REEP3: variants seen among roughly 807,000 people sequenced by gnomAD.
The protein encoded by REEP3 is receptor expression-enhancing protein 3.
In REEP3, 20 loss-of-function variants were observed where a neutral mutation model predicts 41.3. The observed-to-expected ratio is 0.48, with a 90% CI of 0.34 to 0.70. The LOEUF (loss-of-function observed/expected upper bound fraction) is 0.70, where lower values mean the gene tolerates loss of function less well. Ranked by LOEUF, REEP3 falls within the 30% of genes least tolerant of loss-of-function variation. REEP3 has a pLI of 0.01. For synonymous variants in REEP3, 104 were observed against 101.8 expected (o/e 1.02, Z -0.13); for missense variants, 271 against 308.8 (o/e 0.88, Z 0.92).
chr10:63,534,436 G>A (rs936452424), intron 1 of REEP3, among the ~76,000 whole-genome samples: 13 of 152,048 alleles, frequency 8.5e-5, no homozygotes, highest in Non-Finnish European at 1.9e-4. Context: ...ATTTTGTAGA[G>A]ATAGGGCCTT....
chr10:63,580,665 G>C (rs1297872122), intron 2 of REEP3, among the ~76,000 whole-genome samples: 2 of 152,064 alleles, frequency 1.3e-5, no homozygotes, highest in East Asian at 3.8e-4. Context: ...CAAGAAAAGA[G>C]TTTAAGCAAG....
chr10:63,594,942 G>A, intron 3 of REEP3, 88 bp downstream of exon 3: 1 of 837,560 alleles, frequency 1.2e-6, no homozygotes, highest in Non-Finnish European at 2.0e-6. Flanking sequence ...TTAACTGAGT[G>A]ATTTTCATCA....
intron 1 of REEP3, among the ~76,000 whole-genome samples, chr10:63,527,514 A>T (rs1483445315): frequency 3.3e-5 from 5 of 151,954 alleles, no homozygotes; most frequent in Admixed American, 1.3e-4. Flanking sequence ...TCTACAAAAA[A>T]TACAAAAAAC....
chr10:63,543,271 A>C (rs532737181), intron 1 of REEP3, among the ~76,000 whole-genome samples: 109 of 152,248 alleles, frequency 7.2e-4, no homozygotes, highest in Non-Finnish European at 1.5e-3. Flanking sequence ...TGTTTTAATA[A>C]CATGGAAAAC....
At chr10:63,610,393 A>C in intron 6 of REEP3, 59 bp downstream of exon 6, 2 of 1,495,384 alleles carry the variant, frequency 1.3e-6, no homozygotes, top group Non-Finnish European at 1.8e-6. Context: ...GGGGAACAAC[A>C]TACACTGGGG....
At chr10:63,531,182 A>G (rs1955418164) in intron 1 of REEP3, among the ~76,000 whole-genome samples, 1 of 152,246 alleles carries the variant, frequency 6.6e-6, no homozygotes, top group Non-Finnish European at 1.5e-5. Flanking sequence ...CAGTGGTTAG[A>G]GATTATTTTA....
At chr10:63,574,055 C>G (rs913227599) in intron 2 of REEP3, among the ~76,000 whole-genome samples, 3 of 152,072 alleles carry the variant, frequency 2.0e-5, no homozygotes, top group Non-Finnish European at 4.4e-5. Flanking sequence ...CAGTAGTTCC[C>G]CAGGCTCCCA....
chr10:63,589,006 C>T (rs1170438801), intron 2 of REEP3, among the ~76,000 whole-genome samples: 1 of 152,224 alleles, frequency 6.6e-6, no homozygotes, highest in Admixed American at 6.5e-5. Flanking sequence ...ACAGGAGGTG[C>T]AGTAGCAGGT....
intron 5 of REEP3, among the ~76,000 whole-genome samples, chr10:63,608,268 G>C (rs891115962): frequency 3.9e-5 from 6 of 152,194 alleles, no homozygotes; most frequent in African/African-American, 1.2e-4. Flanking sequence ...TTTTTTAAAT[G>C]TGTGAAATCC....
Position 63,583,608 on chromosome 10 carries a change from A to G in REEP3, c.106-11170A>G, listed in dbSNP as rs150178494. Among the ~76,000 whole-genome samples the G allele has an allele frequency of 6.6e-5, 10 of 152,308 alleles. No homozygotes were observed. The East Asian group carries it at 1.7e-3, about 26-fold the overall frequency. ...TTAGATAAGGCCTAGGTGCCTAAGA[A>G]GTGGGACCAAGACCAAGAGAAAGAA... On this transcript the variant is annotated intron_variant, in intron 2 of 7. Transcript: ENST00000373758.
intron 2 of REEP3, among the ~76,000 whole-genome samples, chr10:63,575,972 A>T (rs1052500681): frequency 1.3e-5 from 2 of 152,288 alleles, no homozygotes; most frequent in African/African-American, 4.8e-5. Flanking sequence ...ACCTCAGGTG[A>T]TCCGCCTGCC....
chr10:63,590,594 A>C (rs949387588), intron 2 of REEP3, among the ~76,000 whole-genome samples: 5 of 152,068 alleles, frequency 3.3e-5, no homozygotes, highest in Non-Finnish European at 7.4e-5. Context: ...TATTCAGGCA[A>C]TTCCTATGTT....
At chr10:63,593,173 AG>A (rs1424877370) in intron 2 of REEP3, among the ~76,000 whole-genome samples, 1 of 152,244 alleles carries the variant, frequency 6.6e-6, no homozygotes, top group African/African-American at 2.4e-5. Flanking sequence ...CAATTGAAAA[AG>A]CTATTTGAGT....
At chr10:63,558,957 A>G (rs1424529755) in intron 1 of REEP3, among the ~76,000 whole-genome samples, 1 of 151,822 alleles carries the variant, frequency 6.6e-6, no homozygotes. Flanking sequence ...AGTCTCATTG[A>G]GTTGTTTTTA....
intron 2 of REEP3, among the ~76,000 whole-genome samples, chr10:63,569,438 T>C (rs1188938430): frequency 1.3e-5 from 2 of 151,490 alleles, no homozygotes; most frequent in African/African-American, 4.9e-5. Flanking sequence ...GTATATATAT[T>C]TGTGCTTACG....
intron 3 of REEP3, among the ~76,000 whole-genome samples, chr10:63,596,394 A>G (rs190640299): frequency 2.0e-5 from 3 of 149,692 alleles, no homozygotes; most frequent in Admixed American, 1.3e-4. Flanking sequence ...TAGCCTATAT[A>G]TGTTATTTAA....
chr10:63,546,025 A>G (rs1469209919), intron 1 of REEP3, among the ~76,000 whole-genome samples: 1 of 152,114 alleles, frequency 6.6e-6, no homozygotes, highest in Non-Finnish European at 1.5e-5. Context: ...AAGGAAGCCA[A>G]CCGGGTGTAA....
chr10:63,604,751 G>A (rs1956207607), intron 5 of REEP3, among the ~76,000 whole-genome samples: 2 of 152,150 alleles, frequency 1.3e-5, no homozygotes, highest in South Asian at 4.1e-4. Flanking sequence ...AACATTGAAT[G>A]CTACAGCAAT....
In REEP3 at chr10:63,624,959, T is replaced by G. The variant is rs1049778151; in HGVS notation, c.*4090T>G. On this transcript the variant is annotated 3_prime_UTR_variant, in exon 8 of 8. Transcript: ENST00000373758. ...CTCACATTTAAGCTTTAGAGAGAAA[T>G]CCTATGTTTTAAGAAGTTTCTTTGT... The G allele has an allele frequency of 2.0e-5, 3 of 152,106 alleles. No individual in the cohort carries two copies. The highest frequency in any genetic ancestry group is 2.9e-5 in the Non-Finnish European group (2 of 67,970). 9.4% of individuals were successfully genotyped at this position (152,106 alleles called of 1,614,324 possible).
Sources: gnomAD v4.1 joint callset for allele counts (sites outside exome capture counted in the v4.1 genomes callset) on GRCh38, gnomAD v4.1.1 for gene constraint, MANE v1.5 for transcripts, NCBI Gene and HGNC (gene_info 2026-07-23, HGNC 2026-07-21) for gene names.